RAB12: variants seen among roughly 807,000 people sequenced by gnomAD.
The protein encoded by RAB12 is RAB12, member RAS oncogene family.
A neutral mutation model predicts 28.4 loss-of-function variants in RAB12; 11 were observed. The ratio of observed to expected loss-of-function variants is 0.39; its 90% CI spans 0.24 to 0.64. RAB12 has a LOEUF of 0.64. Among genes scored for constraint, RAB12 ranks in the 30% least tolerant of loss-of-function variants. The pLI, the probability that RAB12 is intolerant of heterozygous loss-of-function variation, is 0.50. For missense variants in RAB12, 276 were observed against 351.1 expected, an observed-to-expected ratio of 0.79 and a Z score of 1.71; for synonymous variants, 138 against 145.3, an observed-to-expected ratio of 0.95 and a Z score of 0.36.
chr18:8,621,862 T>C (rs1410830636), intron 1 of RAB12, among the ~76,000 whole-genome samples: 1 of 152,246 alleles, frequency 6.6e-6, no homozygotes, highest in Non-Finnish European at 1.5e-5. Context: ...CTATTTACTG[T>C]CGGGTAATCT....
At chr18:8,635,335 C>G (rs1222849361) in intron 3 of RAB12, 198 bp from the exon 4 acceptor site, 1 of 447,750 alleles carries the variant, frequency 2.2e-6, no homozygotes, top group African/African-American at 2.1e-5. Context: ...ATGCCTGTGC[C>G]CTAGTTCTTT....
At chr18:8,628,863 T>A (rs544653979) in intron 2 of RAB12, among the ~76,000 whole-genome samples, 1 of 152,326 alleles carries the variant, frequency 6.6e-6, no homozygotes, top group African/African-American at 2.4e-5. Flanking sequence ...CTTAAGTCAT[T>A]GAATGTGAAT....
chr18:8,619,772 G>A (rs1218352647), intron 1 of RAB12, among the ~76,000 whole-genome samples: 1 of 152,164 alleles, frequency 6.6e-6, no homozygotes, highest in Non-Finnish European at 1.5e-5. Flanking sequence ...CTGGGCTGCT[G>A]TGAGGCTTGG....
chr18:8,620,689 C>CT (rs1204668864), intron 1 of RAB12, among the ~76,000 whole-genome samples: 1 of 151,934 alleles, frequency 6.6e-6, no homozygotes, highest in Non-Finnish European at 1.5e-5. Flanking sequence ...TATTGAGTTG[C>CT]TGTTGTGTGC....
At position 8,617,988 on chromosome 18, in the gene RAB12, A is replaced by G. The variant is rs553525502; in HGVS notation, c.515-6950A>G. Among the ~76,000 whole-genome samples the G allele has an allele frequency of 2.4e-4, 37 of 152,342 alleles. 1 individual carries two copies. The South Asian group carries it at 7.2e-3, about 30-fold the overall frequency. On this transcript the variant is annotated intron_variant, in intron 1 of 5. Transcript: ENST00000649141. The stretch of plus-strand genomic sequence containing the variant: ...CACCACAAAAGTTCTTAATCTTTTC[A>G]TTTGTGAAGAGAACATACACCTTTC...
intron 5 of RAB12, among the ~76,000 whole-genome samples, chr18:8,637,647 C>G (rs2096019682): frequency 6.6e-6 from 1 of 152,118 alleles, no homozygotes; most frequent in Admixed American, 6.6e-5. Flanking sequence ...GCTAGAGGTG[C>G]TGACCCCCTA....
At chr18:8,624,662 T>C (rs1598310788) in intron 1 of RAB12, among the ~76,000 whole-genome samples, 2 of 152,328 alleles carry the variant, frequency 1.3e-5, no homozygotes, top group East Asian at 3.9e-4. Flanking sequence ...TGAACTGTGG[T>C]AGTTATAAGT....
At chr18:8,619,871 A>G (rs1201448609) in intron 1 of RAB12, among the ~76,000 whole-genome samples, 2 of 152,186 alleles carry the variant, frequency 1.3e-5, no homozygotes, top group African/African-American at 4.8e-5. Flanking sequence ...AGACACCGGC[A>G]CAGTTGCTCA....
chr18:8,617,885 A>G (rs537153468), intron 1 of RAB12, among the ~76,000 whole-genome samples: 1 of 152,322 alleles, frequency 6.6e-6, no homozygotes, highest in African/African-American at 2.4e-5. Flanking sequence ...TATATACCTC[A>G]TAATATTGTT....
rs1376217103 is a variant in RAB12, at chr18:8,609,480, C to T, written c.41C>T (p.Ser14Phe). The change falls in exon 1 of 6, where the codon TCC becomes TTC. Residue 14 changes from serine (S) to phenylalanine (F), a missense_variant. Ser to Phe is a radical substitution (Grantham distance 155). Around this residue, in one of 4 missense-constraint regions of RAB12, gnomAD observed 72 missense variants for 55.5 expected, o/e 1.30. Transcript: ENST00000649141. Reference protein sequence around the residue: ...PLLRSSCFPSSSPGGGGGSGG... With the variant: ...PLLRSSCFPSFSPGGGGGSGG... ...CTGCGGAGTAGCTGCTTCCCTTCCTCCTCTCCCGGCGGCGGCGGCGGCAGC... is the reference window on the plus strand; with the variant it reads ...CTGCGGAGTAGCTGCTTCCCTTCCTTCTCTCCCGGCGGCGGCGGCGGCAGC... 6.6e-6 allele frequency: 1 copy of T among 150,840 alleles called. No homozygotes were observed. The highest frequency in any genetic ancestry group is 1.5e-5 in the Non-Finnish European group (1 of 67,440). The allele number at this position is 150,840 out of a possible 1,614,324, so 9.3% of individuals were successfully genotyped here.
chr18:8,631,734 T>A (rs1186007089), intron 2 of RAB12, among the ~76,000 whole-genome samples: 2 of 152,204 alleles, frequency 1.3e-5, no homozygotes, highest in Non-Finnish European at 2.9e-5. Flanking sequence ...TTTAGAGTAT[T>A]AAATTTCCTT....
chr18:8,621,200 A>G (rs938619670), intron 1 of RAB12, among the ~76,000 whole-genome samples: 1 of 152,196 alleles, frequency 6.6e-6, no homozygotes, highest in African/African-American at 2.4e-5. Context: ...TTCCTAAATC[A>G]TCTGCCAGAT....
At chr18:8,636,083 G>A in intron 4 of RAB12, 170 bp from the exon 5 acceptor site, 1 of 588,584 alleles carries the variant, frequency 1.7e-6, no homozygotes, top group Non-Finnish European at 3.1e-6. Flanking sequence ...TTTGCTAGTT[G>A]CTTATAATGT....
intron 3 of RAB12, 101 bp from the exon 4 acceptor site, chr18:8,635,432 C>A (rs1408763619): frequency 2.3e-6 from 2 of 878,050 alleles, no homozygotes; most frequent in African/African-American, 3.4e-5. Context: ...AGTGAATGGA[C>A]AAATGTAAAT....
chr18:8,633,001 C>T (rs1187981496), intron 2 of RAB12, 188 bp from the exon 3 acceptor site: 1 of 615,812 alleles, frequency 1.6e-6, no homozygotes, highest in Admixed American at 3.2e-5. Context: ...TTTTCTATGT[C>T]ATAGTTTTAG....
intron 4 of RAB12, 124 bp from the exon 5 acceptor site, chr18:8,636,129 C>T (rs942833179): frequency 2.1e-5 from 14 of 674,344 alleles, no homozygotes; most frequent in South Asian, 1.3e-4. Flanking sequence ...TATCTTTGAG[C>T]GTCAGTGGGA....
At chr18:8,630,628 A>C (rs938272912) in intron 2 of RAB12, among the ~76,000 whole-genome samples, 16 of 152,148 alleles carry the variant, frequency 1.1e-4, no homozygotes, top group Non-Finnish European at 2.2e-4. Context: ...GAGGACTTCA[A>C]ATTTTATATT....
intron 1 of RAB12, among the ~76,000 whole-genome samples, chr18:8,622,821 C>T (rs758986564): frequency 6.0e-4 from 91 of 152,266 alleles, no homozygotes; most frequent in Non-Finnish European, 1.3e-4. Context: ...CAGGGCCCCC[C>T]GCCACCCCGT....
chr18:8,626,301 C>A (rs1279291344), intron 2 of RAB12, among the ~76,000 whole-genome samples: 1 of 152,222 alleles, frequency 6.6e-6, no homozygotes, highest in Non-Finnish European at 1.5e-5. Flanking sequence ...AGACCATCTT[C>A]ACAAGGATTT....
Sources: gnomAD v4.1 joint callset for allele counts (sites outside exome capture counted in the v4.1 genomes callset) on GRCh38, gnomAD v4.1.1 for gene constraint, gnomAD v4.1.1 regional missense constraint, MANE v1.5 for transcripts, NCBI Gene and HGNC (gene_info 2026-07-23, HGNC 2026-07-21) for gene names.